ADGRG4: variants seen among roughly 807,000 people sequenced by gnomAD.
ADGRG4 encodes the protein G protein-coupled receptor 112.
ADGRG4 carries 122 observed loss-of-function variants against 126.2 expected under a neutral mutation model. The observed-to-expected ratio is 0.97, with a 90% confidence interval of 0.83 to 1.12. ADGRG4 has a LOEUF of 1.12. Ranked by LOEUF, ADGRG4 falls within the 50% of genes most tolerant of loss-of-function variation. The pLI is 0.00. For synonymous variants in ADGRG4, 943 were observed against 838.7 expected (o/e 1.12, Z -2.15); for missense variants, 2,481 against 2,251.8 (o/e 1.10, Z -2.06).
intron 4 of ADGRG4, among the ~76,000 whole-genome samples, chrX:136,310,138 T>C (rs1476944108): frequency 9.1e-6 from 1 of 109,963 alleles, no homozygotes; most frequent in Non-Finnish European, 1.9e-5. Context: ...GTGAAAATTA[T>C]TATTATTGTT....
At chrX:136,397,024 C>T (rs1159567340) in intron 19 of ADGRG4, among the ~76,000 whole-genome samples, 4 of 110,793 alleles carry the variant, frequency 3.6e-5, no homozygotes, top group South Asian at 3.9e-4. Flanking sequence ...CTCCTGACCT[C>T]GTGATCTGTC....
chrX:136,414,417 C>T (rs1275435286), intron 25 of ADGRG4, 90 bp downstream of exon 25: 3 of 723,812 alleles, frequency 4.1e-6, no homozygotes, highest in Non-Finnish European at 6.2e-6. Flanking sequence ...ATGATACTTC[C>T]TCTTCAAAAC....
intron 1 of ADGRG4, among the ~76,000 whole-genome samples, chrX:136,301,735 A>G (rs759705420): frequency 8.9e-6 from 1 of 111,933 alleles, no homozygotes; most frequent in South Asian, 3.7e-4. Context: ...TAAGTCTTTA[A>G]TCCATCTTGA....
Position 136,399,856 on chromosome X carries a change from G to A in ADGRG4, c.8315G>A (p.Arg2772Gln), listed in dbSNP as rs781632638. The A allele has an allele frequency of 1.1e-5, 13 of 1,192,003 alleles. No individual in the cohort carries two copies. Among genetic ancestry groups the A allele is most frequent in the African/African-American group, 3.6e-5 (2 of 56,013 alleles). ...TGTACTTTCTCTTTTAGCAAACTTC[G>A]AAAAGATTATCCTGCCAAAATTCTG... ...VVTYIAFHKL[R>Q]KDYPAKILIN... Residue 2772 changes from arginine (R) to glutamine (Q), a missense_variant, in exon 21 of 26, where the codon CGA becomes CAA. Transcript: ENST00000394143.
intron 4 of ADGRG4, among the ~76,000 whole-genome samples, chrX:136,313,182 T>C (rs1308622797): frequency 1.8e-5 from 2 of 112,387 alleles, no homozygotes; most frequent in Non-Finnish European, 3.8e-5. Flanking sequence ...AGGAGTGCAA[T>C]GGCAGAGTCA....
At chrX:136,316,369 G>A (rs1329705499) in intron 4 of ADGRG4, among the ~76,000 whole-genome samples, 2 of 110,167 alleles carry the variant, frequency 1.8e-5, no homozygotes, top group African/African-American at 6.6e-5. Context: ...GCTGTCATAA[G>A]CAGAAAACAA....
intron 24 of ADGRG4, among the ~76,000 whole-genome samples, chrX:136,412,839 A>G (rs2075453523): frequency 8.9e-6 from 1 of 111,866 alleles, no homozygotes; most frequent in Non-Finnish European, 1.9e-5. Flanking sequence ...GGATGTAGTG[A>G]ACTCAGATGT....
Position 136,348,187 on chromosome X carries a change from T to C in ADGRG4, c.4481T>C (p.Val1494Ala). The change falls in exon 6 of 26, where the codon GTA becomes GCA. Residue 1494 changes from valine (V) to alanine (A), a missense_variant. Physicochemically the swap from Val to Ala is moderately conservative, Grantham distance 64. Transcript: ENST00000394143. ...ACTACAGCCTTTTCTGTTCCAAATG[T>C]ACCTACAATGCTTCCTAGAGAATCC... ...RITTAFSVPN[V>A]PTMLPRESSM... is the part of the protein sequence containing the mutation. 1 of 1,207,249 alleles carries C rather than the reference T, an allele frequency of 8.3e-7. No individual in the cohort carries two copies. Among genetic ancestry groups the C allele is most frequent in the Non-Finnish European group, 1.1e-6 (1 of 891,619 alleles).
intron 19 of ADGRG4, among the ~76,000 whole-genome samples, chrX:136,396,078 G>A (rs1448802732): frequency 9.0e-6 from 1 of 110,633 alleles, no homozygotes; most frequent in Non-Finnish European, 1.9e-5. Context: ...TCAAACATTG[G>A]TGTAAGTATT....
rs772326576 is a variant in ADGRG4 at position 136,323,384 on chromosome X, T to A, written c.677T>A (p.Leu226Gln). ...NKIIPTVDRT[L>Q]RCFVPENMTI... ...ATCATCCCAACTGTTGACAGGACAC[T>A]GCGCTGCTGTGAGTAACTTAACAAC... Residue 226 changes from leucine to glutamine, a missense_variant, in exon 5 of 26, where the codon CTG (leucine) becomes CAG (glutamine). By Grantham distance (113) the Leu-to-Gln change is moderately radical (BLOSUM62 -2). Coordinates refer to ENST00000394143, the MANE Select transcript of ADGRG4 (RefSeq NM_153834.4). 6 of 1,199,672 alleles carry A rather than the reference T, an allele frequency of 5.0e-6. No individual in the cohort carries two copies. The Admixed American group carries it at 1.3e-4, about 27-fold the overall frequency.
Position 136,363,575 on chromosome X carries a change from C to A in ADGRG4, c.7376C>A (p.Ala2459Asp). 8.9e-7 allele frequency: 1 copy of A among 1,129,202 alleles called. No homozygotes were observed. The highest frequency in any genetic ancestry group is 1.2e-6 in the Non-Finnish European group (1 of 820,449). The allele number at this position is 1,129,202 out of a possible 1,213,427, so 93.1% of individuals were successfully genotyped here. A position where few individuals can be genotyped will look rare whatever the true frequency, so the allele number is the denominator to read the frequency against. ...QELPDKIVDL[A>D]NITISDENAE... The stretch of plus-strand genomic sequence containing the variant: ...CTTCCTGACAAGATTGTGGATCTTG[C>A]TAATATTACCATAAGTGATGGTAAG... Residue 2459 changes from alanine (A) to aspartate (D), a missense_variant, in exon 13 of 26, where the codon GCT becomes GAT. Coordinates refer to ENST00000394143, the MANE Select transcript of ADGRG4 (RefSeq NM_153834.4).
chrX:136,327,445 A>C (rs184635257), intron 5 of ADGRG4, among the ~76,000 whole-genome samples: 207 of 92,838 alleles, frequency 2.2e-3, no homozygotes, highest in Non-Finnish European at 3.6e-3. Context: ...ATAAAATAAA[A>C]AGGACAGAGT....
In ADGRG4 at chrX:136,322,974, C is replaced by T. The variant is rs2074848528; in HGVS notation, c.267C>T (p.Asp89=). Residue 89 remains aspartate (D), a synonymous_variant, in exon 5 of 26, where the codon GAC becomes GAT. Transcript: ENST00000394143. ...NNALLGREDI[D]LGLAGDHQQL... is the part of the protein sequence containing the mutation. ...CCCTCCTGGGCAGAGAAGACATAGA[C>T]CTTGGACTTGCAGGAGACCATCAGC... is the stretch of plus-strand genomic sequence containing the variant. 1 of 1,211,257 alleles carries T rather than the reference C, an allele frequency of 8.3e-7. No individual in the cohort carries two copies. Among genetic ancestry groups the T allele is most frequent in the Non-Finnish European group, 1.1e-6 (1 of 894,950 alleles).
chrX:136,349,943 T>C lies in ADGRG4; in HGVS notation c.6237T>C (p.Gly2079=). The C allele has an allele frequency of 8.3e-7, 1 of 1,210,677 alleles. No individual in the cohort carries two copies. The change falls in exon 6 of 26, where the codon GGT becomes GGC. Residue 2079 remains glycine (G), a synonymous_variant. Coordinates refer to ENST00000394143, the MANE Select transcript of ADGRG4 (RefSeq NM_153834.4). ...CCATTCCTACACCTACACTGGGTGG[T>C]ATCACTACTGGCTTCCCAACTTCTC... The part of the protein sequence containing the change: ...TRTIPTPTLG[G]ITTGFPTSLP...
intron 23 of ADGRG4, among the ~76,000 whole-genome samples, chrX:136,407,606 C>T (rs2075421935): frequency 8.9e-6 from 1 of 111,827 alleles, no homozygotes; most frequent in Admixed American, 9.5e-5. Flanking sequence ...ACTTTTTGTC[C>T]CACCAGATCC....
chrX:136,342,062 C>G (rs1162143568), intron 5 of ADGRG4, among the ~76,000 whole-genome samples: 1 of 111,784 alleles, frequency 8.9e-6, no homozygotes. Flanking sequence ...CACTATCATC[C>G]TAAATTCCAC....
chrX:136,363,819 A>G (rs2075142391), intron 13 of ADGRG4, among the ~76,000 whole-genome samples: 1 of 110,975 alleles, frequency 9.0e-6, no homozygotes, highest in African/African-American at 3.3e-5. Flanking sequence ...TGCTACATAT[A>G]TATATTTGAG....
In ADGRG4 at chrX:136,308,912, C is replaced by G; in HGVS notation, c.70+65C>G. The G allele has an allele frequency of 1.6e-5, 11 of 699,886 alleles. No individual in the cohort carries two copies. In the South Asian group the frequency reaches 2.4e-4, roughly 15 times the overall value. 57.7% of individuals were successfully genotyped at this position (699,886 alleles called of 1,213,427 possible). Reference sequence around the variant, plus strand: ...TGTATAGTAGGTTATAGAAATAAACCATTTGAAAAATACTACCAATGGAGA... The same window carrying G: ...TGTATAGTAGGTTATAGAAATAAACGATTTGAAAAATACTACCAATGGAGA... On this transcript the variant is annotated intron_variant, in intron 4 of 25. Coordinates refer to ENST00000394143, the MANE Select transcript of ADGRG4 (RefSeq NM_153834.4).
chrX:136,310,863 A>G (rs1463229723), intron 4 of ADGRG4, among the ~76,000 whole-genome samples: 1 of 111,780 alleles, frequency 8.9e-6, no homozygotes, highest in Non-Finnish European at 1.9e-5. Flanking sequence ...AAGAGGGCCT[A>G]GGACTTAGGC....
Sources: gnomAD v4.1 joint callset for allele counts (sites outside exome capture counted in the v4.1 genomes callset) on GRCh38, gnomAD v4.1.1 for gene constraint, MANE v1.5 for transcripts, NCBI Gene and HGNC (gene_info 2026-07-23, HGNC 2026-07-21) for gene names.